The following ATP10A variants were observed in gnomAD, a reference collection of about 807,000 sequenced individuals.
ATP10A encodes ATPase phospholipid transporting 10A (putative), also known as phospholipid-transporting ATPase VA.
A neutral mutation model predicts 147.8 loss-of-function variants in ATP10A; 111 were observed. The ratio of observed to expected loss-of-function variants is 0.75; its 90% CI spans 0.64 to 0.88. ATP10A has a LOEUF of 0.88. Ranked by LOEUF, ATP10A falls within the 40% of genes least tolerant of loss-of-function variation. The probability of loss-of-function intolerance (pLI) is 0.00; values close to 1 mark genes in which losing one functional copy is unlikely to be tolerated. For missense variants in ATP10A, 1,927 were observed against 1,959.0 expected (o/e 0.98, Z 0.31); for synonymous variants, 875 against 841.6 (o/e 1.04, Z -0.69).
At chr15:25,733,641 G>A (rs1224160815) in intron 3 of ATP10A, among the ~76,000 whole-genome samples, 1 of 152,224 alleles carries the variant, frequency 6.6e-6, no homozygotes, top group Non-Finnish European at 1.5e-5. Context: ...AGAACACCCC[G>A]GCTGGTGGAG....
intron 5 of ATP10A, among the ~76,000 whole-genome samples, chr15:25,725,608 C>T (rs1902494381): frequency 6.6e-6 from 1 of 151,514 alleles, no homozygotes; most frequent in Admixed American, 6.6e-5. Context: ...GCCCACCAAG[C>T]TCACCTGGAG....
intron 3 of ATP10A, among the ~76,000 whole-genome samples, chr15:25,734,572 C>A (rs1450725043): frequency 6.6e-6 from 1 of 152,122 alleles, no homozygotes; most frequent in Admixed American, 6.6e-5. Flanking sequence ...ATCAAGGAGG[C>A]CTGGGGAAGA....
At chr15:25,812,800 G>A (rs1353806132) in intron 1 of ATP10A, among the ~76,000 whole-genome samples, 1 of 152,186 alleles carries the variant, frequency 6.6e-6, no homozygotes, top group African/African-American at 2.4e-5. Flanking sequence ...GACAAAGTGT[G>A]ATTTCACTTT....
chr15:25,743,398 A>G (rs1384229726), intron 2 of ATP10A, among the ~76,000 whole-genome samples: 4 of 152,230 alleles, frequency 2.6e-5, no homozygotes, highest in Admixed American at 6.5e-5. Flanking sequence ...GCAAACAGAG[A>G]TGCTGGACAG....
In ATP10A at chr15:25,718,171, T is replaced by C. The variant is rs774942038; in HGVS notation, c.1581+11A>G. The C allele has an allele frequency of 1.7e-5, 28 of 1,611,700 alleles. No homozygotes were observed. The highest frequency in any genetic ancestry group is 2.7e-5 in the African/African-American group (2 of 74,940). On this transcript the variant is annotated intron_variant, in intron 8 of 20. Transcript: ENST00000555815. ...GTGGCAGCACCCTAGCAGGAGGCCCTGTACACTCACCATGGGGCTGCTGAA... is the reference window on the plus strand; with the variant it reads ...GTGGCAGCACCCTAGCAGGAGGCCCCGTACACTCACCATGGGGCTGCTGAA...
rs575594223 is a variant in ATP10A at position 25,746,722 on chromosome 15, T to C, written c.655-10581A>G. 4.7e-4 allele frequency among the ~76,000 whole-genome samples: 71 copies of C among 152,306 alleles called. 1 individual carries two copies. Among genetic ancestry groups the C allele is most frequent in the African/African-American group, 1.7e-3 (70 of 41,580 alleles). On this transcript the variant is annotated intron_variant, in intron 2 of 20. Transcript: ENST00000555815. ...ATGTAATACAATTCTAAATGACCAA[T>C]TAGTCAAAGAAAAGAAGTCACGAGA...
chr15:25,708,242 G>T lies in ATP10A; in HGVS notation c.2403C>A (p.Asn801Lys), dbSNP rs779579438. Residue 801 changes from asparagine (N) to lysine (K), a missense_variant, in exon 11 of 21, where the codon AAC becomes AAA. Transcript: ENST00000555815. ...KIRSKTQNYLNVYAAEGLRTL... is the reference protein window; with the variant it reads ...KIRSKTQNYLKVYAAEGLRTL... ...TGCGCAGGCCTTCCGCCGCATACAC[G>T]TTGAGGTAATTCTGAGTTTTGCTCC... 1.1e-5 allele frequency: 17 copies of T among 1,614,078 alleles called. No homozygotes were observed. Among genetic ancestry groups the T allele is most frequent in the Non-Finnish European group, 1.2e-5 (14 of 1,180,048 alleles).
chr15:25,732,163 C>G (rs772287163), intron 3 of ATP10A, among the ~76,000 whole-genome samples: 5 of 152,160 alleles, frequency 3.3e-5, no homozygotes, highest in Non-Finnish European at 7.4e-5. Context: ...ACTGCACAGG[C>G]TAATTTTTTT....
chr15:25,773,636 G>C (rs1034845074), intron 2 of ATP10A, among the ~76,000 whole-genome samples: 1 of 152,122 alleles, frequency 6.6e-6, no homozygotes, highest in Admixed American at 6.5e-5. Context: ...TCTTAGCCCA[G>C]GAGGGAACAT....
At position 25,679,642 on chromosome 15, in the gene ATP10A, TC is replaced by T; in HGVS notation, c.4198del (p.Glu1400ArgfsTer4). 1 of 1,613,300 alleles carries T rather than the reference TC, an allele frequency of 6.2e-7. No homozygotes were observed. The highest frequency in any genetic ancestry group is 8.5e-7 in the Non-Finnish European group (1 of 1,179,952). On this transcript the variant is annotated frameshift_variant, in exon 21 of 21. Coordinates refer to ENST00000555815, the MANE Select transcript of ATP10A (RefSeq NM_024490.4). LOFTEE classifies it high-confidence loss of function. ...CCCTCCTGGACTCCTCAGGACAGCC[TC>T]CCCTGGCGCAGAGGACATGGGGGCC... ...APAPMSSAPG[E>X]AVLRSPGGCP...
At chr15:25,758,701 A>ACTCATTCCGATCACCTGCTCCACC (rs1567361256) in intron 2 of ATP10A, among the ~76,000 whole-genome samples, 1 of 108,016 alleles carries the variant, frequency 9.3e-6, no homozygotes, top group Non-Finnish European at 1.9e-5. Flanking sequence ...CTCCACCCTA[A>ACTCATTCCGATCACCTGCTCCACC]CTCATTCCGA....
At chr15:25,723,438 T>C (rs1902368713) in intron 6 of ATP10A, among the ~76,000 whole-genome samples, 1 of 152,054 alleles carries the variant, frequency 6.6e-6, no homozygotes, top group South Asian at 2.1e-4. Context: ...TGTAATATGT[T>C]CACATTAGGG....
intron 2 of ATP10A, among the ~76,000 whole-genome samples, chr15:25,760,036 G>T (rs58407836): frequency 0.052 from 7,873 of 151,362 alleles, 288 homozygotes; most frequent in Admixed American, 0.092. Context: ...GCGCGATCTC[G>T]GCTCACTGCA....
At chr15:25,709,853 C>T (rs1161256585) in intron 10 of ATP10A, 2 of 152,274 alleles carry the variant, frequency 1.3e-5, no homozygotes, top group African/African-American at 2.4e-5. Context: ...TGCGGAATAC[C>T]GAGGCTGGGC....
chr15:25,863,329 G>A (rs1893864512), upstream of ATP10A: 1 of 166,982 alleles, frequency 6.0e-6, no homozygotes, highest in South Asian at 1.9e-4. Context: ...GCGCAAGCTG[G>A]GCGGGTGCCG....
chr15:25,824,696 C>T (rs991426608), intron 1 of ATP10A, among the ~76,000 whole-genome samples: 1 of 151,308 alleles, frequency 6.6e-6, no homozygotes, highest in African/African-American at 2.4e-5. Flanking sequence ...GGCAAAATAC[C>T]GTCAAAATCA....
intron 2 of ATP10A, among the ~76,000 whole-genome samples, chr15:25,736,920 A>G (rs901725615): frequency 6.6e-6 from 1 of 152,186 alleles, no homozygotes; most frequent in African/African-American, 2.4e-5. Flanking sequence ...ACACATACAA[A>G]AAGTGAAGGT....
chr15:25,727,197 C>T lies in ATP10A; in HGVS notation c.810G>A (p.Arg270=), dbSNP rs1486248528. 6.2e-7 allele frequency: 1 copy of T among 1,612,888 alleles called. No individual in the cohort carries two copies. Residue 270 remains arginine, a synonymous_variant, in exon 4 of 21, where the codon AGG becomes AGA. Coordinates refer to ENST00000555815, the MANE Select transcript of ATP10A (RefSeq NM_024490.4). ...CAATGCCGACGACTGCGTCCGTGTT[C>T]CTAAGGGTGCAGCCCCTCAGCAGCA... is the stretch of plus-strand genomic sequence containing the variant. ...ENLLLRGCTL[R]NTDAVVGIVI...
chr15:25,747,058 G>A (rs1002741998), intron 2 of ATP10A, among the ~76,000 whole-genome samples: 5 of 152,108 alleles, frequency 3.3e-5, no homozygotes, highest in Non-Finnish European at 4.4e-5. Context: ...AGGCCAAGGC[G>A]GGTGGATCAA....
Sources: gnomAD v4.1 joint callset for allele counts (sites outside exome capture counted in the v4.1 genomes callset) on GRCh38, gnomAD v4.1.1 for gene constraint, MANE v1.5 for transcripts, NCBI Gene and HGNC (gene_info 2026-07-23, HGNC 2026-07-21) for gene names.